The following SEL1L variants were observed in gnomAD, a reference collection of about 807,000 sequenced individuals.
The protein encoded by SEL1L is protein sel-1 homolog 1.
In SEL1L, 52 loss-of-function variants were observed where a neutral mutation model predicts 109.8. The ratio of observed to expected loss-of-function variants is 0.47; its 90% CI spans 0.38 to 0.60. The LOEUF is 0.60. Ranked by LOEUF, SEL1L falls within the 20% of genes least tolerant of loss-of-function variation. The pLI is 0.00. For synonymous variants in SEL1L, 373 were observed against 339.6 expected, an observed-to-expected ratio of 1.10 and a Z score of -1.08; for missense variants, 749 against 962.2, an observed-to-expected ratio of 0.78 and a Z score of 2.93.
chr14:81,513,604 C>G (rs1161751355), intron 3 of SEL1L, among the ~76,000 whole-genome samples: 1 of 152,170 alleles, frequency 6.6e-6, no homozygotes, highest in Admixed American at 6.5e-5. Context: ...GCAGTGAGTA[C>G]CATCAGACCC....
At chr14:81,527,419 C>T (rs1011680420) in intron 2 of SEL1L, among the ~76,000 whole-genome samples, 1 of 144,986 alleles carries the variant, frequency 6.9e-6, no homozygotes, top group Non-Finnish European at 1.5e-5. Flanking sequence ...ACAAATGACA[C>T]AGGTTAAATC....
chr14:81,481,534 T>C (rs549625732), intron 19 of SEL1L, among the ~76,000 whole-genome samples: 12 of 152,338 alleles, frequency 7.9e-5, no homozygotes, highest in Non-Finnish European at 1.2e-4. Flanking sequence ...GATTCATACA[T>C]TGGATGATTC....
chr14:81,517,875 A>G (rs1884764037), intron 3 of SEL1L, among the ~76,000 whole-genome samples: 1 of 152,136 alleles, frequency 6.6e-6, no homozygotes, highest in South Asian at 2.1e-4. Flanking sequence ...GAAACAGAGT[A>G]TCTGTAATTG....
At chr14:81,497,676 C>T (rs927965915) in intron 10 of SEL1L, among the ~76,000 whole-genome samples, 4 of 151,852 alleles carry the variant, frequency 2.6e-5, no homozygotes, top group African/African-American at 9.7e-5. Flanking sequence ...ACCCTCAATG[C>T]CTAGGCCCCA....
At chr14:81,481,674 A>G (rs1903359388) in intron 19 of SEL1L, among the ~76,000 whole-genome samples, 1 of 152,198 alleles carries the variant, frequency 6.6e-6, no homozygotes, top group African/African-American at 2.4e-5. Flanking sequence ...GATTGTTTTT[A>G]GTAGCATGAA....
chr14:81,502,809 A>G lies in SEL1L; in HGVS notation c.689T>C (p.Leu230Ser). ...ATTCTGTGGCAAGTAATCACCAAAT[A>G]AAAGAGCATATGACACTCTCTCCAG... Reference protein sequence around the residue: ...KALERVSYALLFGDYLPQNIQ... With the variant: ...KALERVSYALSFGDYLPQNIQ... The change falls in exon 6 of 21, where the codon TTA becomes TCA. Residue 230 changes from leucine (L) to serine (S), a missense_variant. By Grantham distance (145) the Leu-to-Ser change is moderately radical. This residue lies in a region of SEL1L where 366 missense variants were observed against 399.8 expected (regional missense o/e 0.92). Coordinates refer to ENST00000336735, the MANE Select transcript of SEL1L (RefSeq NM_005065.6). 1 of 1,614,164 alleles carries G rather than the reference A, an allele frequency of 6.2e-7. No homozygotes were observed. Among genetic ancestry groups the G allele is most frequent in the Non-Finnish European group, 8.5e-7 (1 of 1,179,992 alleles).
rs1200592120 is a variant in SEL1L at position 81,472,312 on chromosome 14, G to C, written c.*4660C>G. Reference sequence around the variant, plus strand: ...TCCCACAAGTACAATTTGAGATCTTGAGATCTGACATCTCAGTTGCCACAG... The same window carrying C: ...TCCCACAAGTACAATTTGAGATCTTCAGATCTGACATCTCAGTTGCCACAG... On this transcript the variant is annotated 3_prime_UTR_variant, in exon 21 of 21. Coordinates refer to ENST00000336735, the MANE Select transcript of SEL1L (RefSeq NM_005065.6). 5.2e-6 allele frequency: 1 copy of C among 192,562 alleles called. No individual in the cohort carries two copies. Among genetic ancestry groups the C allele is most frequent in the Non-Finnish European group, 1.1e-5 (1 of 92,550 alleles). The allele number at this position is 192,562 out of a possible 1,614,324, so 11.9% of individuals were successfully genotyped here. A position where few individuals can be genotyped will look rare whatever the true frequency, so the allele number is the denominator to read the frequency against.
At chr14:81,527,794 T>C (rs1885170252) in intron 1 of SEL1L, 56 bp from the exon 2 acceptor site, 13 of 1,196,956 alleles carry the variant, frequency 1.1e-5, no homozygotes, top group Non-Finnish European at 1.5e-5. Context: ...AATTAGTTAT[T>C]ATTAAAAGAA....
At chr14:81,526,670 T>C in intron 3 of SEL1L, 63 bp downstream of exon 3, 1 of 1,231,860 alleles carries the variant, frequency 8.1e-7, no homozygotes, top group African/African-American at 1.5e-5. Context: ...TCTTTATTCA[T>C]TAGCTTAAAA....
chr14:81,516,290 C>A (rs1035249878), intron 3 of SEL1L, among the ~76,000 whole-genome samples: 4 of 152,138 alleles, frequency 2.6e-5, no homozygotes, highest in African/African-American at 9.7e-5. Flanking sequence ...TCAGTGTTAA[C>A]CTCCTGTCCC....
Position 81,479,636 on chromosome 14 carries a change from G to A in SEL1L, c.2151C>T (p.Phe717=). 1 of 1,613,398 alleles carries A rather than the reference G, an allele frequency of 6.2e-7. No individual in the cohort carries two copies. The highest frequency in any genetic ancestry group is 8.5e-7 in the Non-Finnish European group (1 of 1,179,790). The part of the protein sequence containing the change: ...LALCKLGVVY[F]LQYIRETNIR... ...CGTTTGTTTCCCGTATGTACTGCAA[G>A]AAATAGACGACGCCCAATTTGCAGA... is the stretch of plus-strand genomic sequence containing the variant. The change falls in exon 20 of 21, where the codon TTC becomes TTT. Residue 717 remains phenylalanine (F), a synonymous_variant. Coordinates refer to ENST00000336735, the MANE Select transcript of SEL1L (RefSeq NM_005065.6).
intron 6 of SEL1L, 150 bp from the exon 7 acceptor site, chr14:81,499,812 A>T: frequency 2.0e-6 from 1 of 503,882 alleles, no homozygotes; most frequent in Non-Finnish European, 3.4e-6. Context: ...AACATGGATT[A>T]AAGAGCCTTG....
intron 3 of SEL1L, among the ~76,000 whole-genome samples, chr14:81,520,414 C>A (rs1160170995): frequency 6.6e-6 from 1 of 152,144 alleles, no homozygotes; most frequent in Non-Finnish European, 1.5e-5. Context: ...TGTGGTCCCA[C>A]AGTTAGTGGT....
Position 81,475,113 on chromosome 14 carries a change from G to A in SEL1L, c.*1859C>T, listed in dbSNP as rs527815648. On this transcript the variant is annotated 3_prime_UTR_variant, in exon 21 of 21. Transcript: ENST00000336735. The stretch of plus-strand genomic sequence containing the variant: ...CCGTGGATTACACTTATTTTGAAGC[G>A]GGGAGAAGGGACAGTGGTGGAGACA... The A allele has an allele frequency of 9.2e-5, 14 of 152,218 alleles. No homozygotes were observed. Among genetic ancestry groups the A allele is most frequent in the African/African-American group, 2.4e-4 (10 of 41,546 alleles). 9.4% of individuals were successfully genotyped at this position (152,218 alleles called of 1,614,324 possible). A position where few individuals can be genotyped will look rare whatever the true frequency, so the allele number is the denominator to read the frequency against.
chr14:81,477,225 C>G (rs1442980840), intron 20 of SEL1L, 44 bp from the exon 21 acceptor site: 6 of 1,495,778 alleles, frequency 4.0e-6, no homozygotes, highest in Non-Finnish European at 5.6e-6. Context: ...ACTAAAATGT[C>G]AGGCAAGGAA....
intron 16 of SEL1L, among the ~76,000 whole-genome samples, chr14:81,486,872 A>G (rs554679365): frequency 8.1e-4 from 123 of 152,330 alleles, no homozygotes; most frequent in Non-Finnish European, 1.4e-3. Context: ...ATGTCACTCT[A>G]AAGTGCCAAG....
rs1174799409 is a variant in SEL1L at position 81,484,407 on chromosome 14, A to C, written c.1874-10T>G. 2 of 1,600,842 alleles carry C rather than the reference A, an allele frequency of 1.2e-6. No homozygotes were observed. The highest frequency in any genetic ancestry group is 1.7e-5 in the Admixed American group (1 of 59,496). On this transcript the variant is annotated splice_polypyrimidine_tract_variant and intron_variant, in intron 18 of 20. Coordinates refer to ENST00000336735, the MANE Select transcript of SEL1L (RefSeq NM_005065.6). ...CTAGCCACAGTATAGCCTTAAACAA[A>C]AGTTAAATGCAGAACTGCCAATAAA... is the stretch of plus-strand genomic sequence containing the variant.
In SEL1L at chr14:81,500,755, G is replaced by T. The variant is rs563232830; in HGVS notation, c.778-1093C>A. 2.2e-4 allele frequency among the ~76,000 whole-genome samples: 32 copies of T among 148,600 alleles called. No individual in the cohort carries two copies. The South Asian group carries it at 6.4e-3, about 30-fold the overall frequency. On this transcript the variant is annotated intron_variant, in intron 6 of 20. Transcript: ENST00000336735. ...TGAATTACCAAGATAAACTATCTCA[G>T]ATATAAAAAGGAGGAGCAAGGGGTC...
chr14:81,519,155 G>A (rs1446857883), intron 3 of SEL1L, among the ~76,000 whole-genome samples: 1 of 152,194 alleles, frequency 6.6e-6, no homozygotes, highest in African/African-American at 2.4e-5. Flanking sequence ...TACCTGGGTG[G>A]AAAACATTTC....
Sources: allele counts gnomAD v4.1 joint callset (sites outside exome capture counted in the v4.1 genomes callset), GRCh38; gene constraint gnomAD v4.1.1; regional missense constraint gnomAD v4.1.1; transcripts MANE v1.5; gene names NCBI Gene and HGNC (gene_info 2026-07-23, HGNC 2026-07-21).